The following ARMC3 variants were observed in gnomAD, a reference collection of about 807,000 sequenced individuals.
The protein encoded by ARMC3 is armadillo repeat-containing protein 3.
Under a neutral mutation model 90.3 loss-of-function variants are expected in ARMC3, and 74 were observed. The ratio of observed to expected loss-of-function variants is 0.82; its 90% CI spans 0.68 to 0.99. The LOEUF (loss-of-function observed/expected upper bound fraction) is 0.99, where lower values mean the gene tolerates loss of function less well. ARMC3 is among the 50% of genes least tolerant of loss of function. The probability of loss-of-function intolerance (pLI) is 0.00; values close to 1 mark genes in which losing one functional copy is unlikely to be tolerated. For synonymous variants in ARMC3, 334 were observed against 361.8 expected (o/e 0.92, Z 0.87); for missense variants, 958 against 1,042.8 (o/e 0.92, Z 1.12).
chr10:23,013,470 T>G (rs1194939407), intron 16 of ARMC3, among the ~76,000 whole-genome samples: 1 of 152,266 alleles, frequency 6.6e-6, no homozygotes, highest in African/African-American at 2.4e-5. Flanking sequence ...TTTCTCACTT[T>G]ATCGAGGCTT....
At chr10:22,933,757 C>A (rs989692416) in intron 2 of ARMC3, among the ~76,000 whole-genome samples, 8 of 152,044 alleles carry the variant, frequency 5.3e-5, no homozygotes, top group Admixed American at 5.2e-4. Context: ...TGGTGGCAGG[C>A]GCTGGTAGTC....
intron 2 of ARMC3, among the ~76,000 whole-genome samples, chr10:22,944,960 C>T (rs1834468598): frequency 6.6e-6 from 1 of 152,176 alleles, no homozygotes; most frequent in Non-Finnish European, 1.5e-5. Context: ...TAAGAACAAA[C>T]AAGACTTTTG....
chr10:22,985,780 G>T (rs1486003684), intron 10 of ARMC3, among the ~76,000 whole-genome samples: 1 of 152,150 alleles, frequency 6.6e-6, no homozygotes, highest in Non-Finnish European at 1.5e-5. Context: ...GAGTAAAATA[G>T]ACATAAAATA....
intron 10 of ARMC3, among the ~76,000 whole-genome samples, chr10:22,993,600 T>C (rs1836810107): frequency 6.6e-6 from 1 of 152,186 alleles, no homozygotes. Context: ...TTAAAATACA[T>C]TGATCTTCTC....
At chr10:23,000,010 G>A (rs1193795469) in intron 11 of ARMC3, among the ~76,000 whole-genome samples, 1 of 152,114 alleles carries the variant, frequency 6.6e-6, no homozygotes, top group Non-Finnish European at 1.5e-5. Flanking sequence ...GGAATATGCA[G>A]GAGACCCTTT....
At chr10:22,971,643 GT>G (rs1835688776) in intron 8 of ARMC3, among the ~76,000 whole-genome samples, 1 of 151,984 alleles carries the variant, frequency 6.6e-6, no homozygotes, top group South Asian at 2.1e-4. Flanking sequence ...ATTTCACCAT[GT>G]TAGCCAAGCT....
chr10:22,935,365 AAAAT>A (rs1478828864), intron 2 of ARMC3, among the ~76,000 whole-genome samples: 6 of 152,202 alleles, frequency 3.9e-5, no homozygotes, highest in Non-Finnish European at 8.8e-5. Context: ...TGGACTTTAA[AAAAT>A]AAATAAATAA....
chr10:22,933,816 C>G, intron 2 of ARMC3, among the ~76,000 whole-genome samples: 1 of 152,068 alleles, frequency 6.6e-6, no homozygotes, highest in Non-Finnish European at 1.5e-5. Context: ...ACCTGGGAGG[C>G]GGAGTTTGCA....
At chr10:22,964,440 ATTTT>A (rs112985563) in intron 7 of ARMC3, among the ~76,000 whole-genome samples, 3 of 138,468 alleles carry the variant, frequency 2.2e-5, no homozygotes, top group Non-Finnish European at 4.7e-5. Context: ...TGTAGTGTTA[ATTTT>A]TTTTTTTTTT....
At chr10:22,992,389 A>G (rs942057923) in intron 10 of ARMC3, among the ~76,000 whole-genome samples, 1 of 152,194 alleles carries the variant, frequency 6.6e-6, no homozygotes, top group Non-Finnish European at 1.5e-5. Context: ...AATATGATGT[A>G]ATCAATTCGG....
In ARMC3 at chr10:23,014,927, C is replaced by A. The variant is rs1838209115; in HGVS notation, c.2045+5996C>A. ...AAAAAAAACCCCATGACACAAATTG[C>A]CTATGTAACAAACCTGCACATATAC... On this transcript the variant is annotated intron_variant, in intron 16 of 18. Coordinates refer to ENST00000298032, the MANE Select transcript of ARMC3 (RefSeq NM_173081.5). Among the ~76,000 whole-genome samples the A allele has an allele frequency of 2.0e-5, 3 of 146,968 alleles. No individual in the cohort carries two copies. In the South Asian group the frequency reaches 6.4e-4, roughly 32 times the overall value.
intron 4 of ARMC3, among the ~76,000 whole-genome samples, chr10:22,957,487 C>T (rs1834993913): frequency 6.6e-6 from 1 of 152,108 alleles, no homozygotes; most frequent in Admixed American, 6.5e-5. Flanking sequence ...GGGAGTGTTT[C>T]CGGAGATGGC....
intron 16 of ARMC3, among the ~76,000 whole-genome samples, chr10:23,009,242 A>G (rs1278614222): frequency 1.3e-5 from 2 of 152,160 alleles, no homozygotes; most frequent in African/African-American, 4.8e-5. Flanking sequence ...TGAAAGCCCA[A>G]CCCTGGGTAA....
intron 1 of ARMC3, among the ~76,000 whole-genome samples, chr10:22,929,032 A>T: frequency 6.6e-6 from 1 of 152,034 alleles, no homozygotes; most frequent in East Asian, 1.9e-4. Context: ...TTCGAGACCA[A>T]CCTGGTCAAT....
At chr10:22,944,789 A>G (rs937647416) in intron 2 of ARMC3, among the ~76,000 whole-genome samples, 3 of 152,164 alleles carry the variant, frequency 2.0e-5, no homozygotes, top group African/African-American at 7.2e-5. Flanking sequence ...TTCTGCTCTC[A>G]TGATTAGTGT....
At chr10:23,018,351 C>T (rs1248876825) in intron 16 of ARMC3, among the ~76,000 whole-genome samples, 1 of 152,074 alleles carries the variant, frequency 6.6e-6, no homozygotes, top group Non-Finnish European at 1.5e-5. Context: ...AACTTAGGTT[C>T]TCATTTCGTT....
At chr10:23,007,436 G>A (rs530947297) in intron 14 of ARMC3, among the ~76,000 whole-genome samples, 7 of 152,286 alleles carry the variant, frequency 4.6e-5, no homozygotes, top group South Asian at 2.1e-4. Flanking sequence ...GGCCGGGCAC[G>A]GTGGCTGACA....
At chr10:22,942,581 T>C (rs1416771943) in intron 2 of ARMC3, among the ~76,000 whole-genome samples, 1 of 152,180 alleles carries the variant, frequency 6.6e-6, no homozygotes, top group African/African-American at 2.4e-5. Flanking sequence ...AAAAGACTGA[T>C]AATACCAAGT....
chr10:22,953,987 T>C (rs1414781384), intron 3 of ARMC3, among the ~76,000 whole-genome samples: 3 of 152,208 alleles, frequency 2.0e-5, no homozygotes, highest in Non-Finnish European at 4.4e-5. Flanking sequence ...TCACCAGCAA[T>C]TTATGAGGGT....
Sources: allele counts gnomAD v4.1 joint callset (sites outside exome capture counted in the v4.1 genomes callset), GRCh38; gene constraint gnomAD v4.1.1; transcripts MANE v1.5; gene names NCBI Gene and HGNC (gene_info 2026-07-23, HGNC 2026-07-21).